CA2: variants seen among roughly 807,000 people sequenced by gnomAD.
CA2 encodes carbonate dehydratase II.
A neutral mutation model predicts 27.8 loss-of-function variants in CA2; 23 were observed. The ratio of observed to expected loss-of-function variants is 0.83; its 90% CI spans 0.59 to 1.17. The LOEUF is 1.17. CA2 is among the 50% of genes most tolerant of loss of function. CA2 has a pLI of 0.00. For synonymous variants in CA2, 99 were observed against 114.9 expected, an observed-to-expected ratio of 0.86 and a Z score of 0.88; for missense variants, 300 against 314.7, an observed-to-expected ratio of 0.95 and a Z score of 0.35.
rs368574296 is a variant in CA2, at chr8:85,480,698, A to G, written c.692A>G (p.Asn231Ser). Residue 231 changes from asparagine to serine, a missense_variant, in exon 7 of 7, where the codon AAT becomes AGT. Coordinates refer to ENST00000285379, the MANE Select transcript of CA2 (RefSeq NM_000067.3). ...TTGAAATTCCGTAAACTTAACTTCAATGGGGAGGGTGAACCCGAAGAACTG... is the reference window on the plus strand; with the variant it reads ...TTGAAATTCCGTAAACTTAACTTCAGTGGGGAGGGTGAACCCGAAGAACTG... ...QVLKFRKLNF[N>S]GEGEPEELMV... The G allele has an allele frequency of 1.7e-5, 27 of 1,613,490 alleles. No homozygotes were observed. The highest frequency in any genetic ancestry group is 1.6e-4 in the Middle Eastern group (1 of 6,082).
At chr8:85,475,327 T>C (rs575165140) in intron 4 of CA2, among the ~76,000 whole-genome samples, 1 of 115,834 alleles carries the variant, frequency 8.6e-6, no homozygotes, top group Admixed American at 1.2e-4. Context: ...GCTATGATCA[T>C]GCCACTGCAC....
At chr8:85,476,481 G>A (rs1811800425) in intron 5 of CA2, among the ~76,000 whole-genome samples, 1 of 152,144 alleles carries the variant, frequency 6.6e-6, no homozygotes, top group African/African-American at 2.4e-5. Flanking sequence ...CTCACTCACT[G>A]GCTTGAGCCC....
At chr8:85,467,417 A>G (rs1445445283) in intron 2 of CA2, among the ~76,000 whole-genome samples, 1 of 152,222 alleles carries the variant, frequency 6.6e-6, no homozygotes, top group Non-Finnish European at 1.5e-5. Flanking sequence ...GAAATGGGAC[A>G]GTATATGTAA....
At chr8:85,480,530 G>A in intron 6 of CA2, 140 bp from the exon 7 acceptor site, 1 of 764,146 alleles carries the variant, frequency 1.3e-6, no homozygotes, top group Non-Finnish European at 2.2e-6. Context: ...CCCGCCTCAT[G>A]CCTCAGCCTT....
At chr8:85,473,909 C>G in intron 3 of CA2, 98 bp downstream of exon 3, 1 of 787,626 alleles carries the variant, frequency 1.3e-6, no homozygotes, top group Non-Finnish European at 2.3e-6. Context: ...CAACTCACGC[C>G]CAGTGAACCA....
At chr8:85,465,688 G>T (rs1323388384) in intron 2 of CA2, among the ~76,000 whole-genome samples, 1 of 152,110 alleles carries the variant, frequency 6.6e-6, no homozygotes, top group Non-Finnish European at 1.5e-5. Flanking sequence ...AAAACCCTTG[G>T]CTTCTATGAA....
chr8:85,471,775 AT>A (rs1454119552), intron 2 of CA2, among the ~76,000 whole-genome samples: 1 of 151,782 alleles, frequency 6.6e-6, no homozygotes, highest in African/African-American at 2.4e-5. Flanking sequence ...CATATATTTA[AT>A]TTTTATATAT....
chr8:85,467,162 G>T (rs763628262), intron 2 of CA2, among the ~76,000 whole-genome samples: 16 of 152,150 alleles, frequency 1.1e-4, no homozygotes, highest in Non-Finnish European at 1.8e-4. Context: ...AGCAGATGAG[G>T]TTCCTAATAG....
In CA2 at chr8:85,477,098, CTGCGTATT is replaced by C; in HGVS notation, c.508-18_508-11del. 6.2e-7 allele frequency: 1 copy of C among 1,613,450 alleles called. No homozygotes were observed. Among genetic ancestry groups the C allele is most frequent in the Non-Finnish European group, 8.5e-7 (1 of 1,179,436 alleles). On this transcript the variant is annotated splice_polypyrimidine_tract_variant and intron_variant, in intron 5 of 6. Coordinates refer to ENST00000285379, the MANE Select transcript of CA2 (RefSeq NM_000067.3). ...ACTCTGTCAATGTGATAGTTTGAAG[CTGCGTATT>C]TGCCTTGTTCTAGGGCAAGAGTGCT...
At chr8:85,479,570 A>T (rs894273659) in intron 6 of CA2, among the ~76,000 whole-genome samples, 3 of 152,152 alleles carry the variant, frequency 2.0e-5, no homozygotes, top group East Asian at 3.9e-4. Context: ...AGAGGGGGGA[A>T]AGTAGCACTT....
At chr8:85,479,101 G>A (rs1811849225) in intron 6 of CA2, among the ~76,000 whole-genome samples, 1 of 146,060 alleles carries the variant, frequency 6.8e-6, no homozygotes, top group African/African-American at 2.4e-5. Context: ...GTCTGTTAAT[G>A]AGGAAGTATG....
At chr8:85,467,425 T>G (rs1811646518) in intron 2 of CA2, among the ~76,000 whole-genome samples, 2 of 152,204 alleles carry the variant, frequency 1.3e-5, no homozygotes, top group African/African-American at 4.8e-5. Context: ...ACAGTATATG[T>G]AAAGCCCCTA....
intron 1 of CA2, 191 bp downstream of exon 1, chr8:85,464,306 T>A (rs1345720108): frequency 2.0e-6 from 1 of 490,256 alleles, no homozygotes; most frequent in East Asian, 3.7e-5. Context: ...GCCGGGGATG[T>A]CCCCCTTGCC....
rs1386114061 is a variant in CA2, at chr8:85,481,369, G to C, written c.*580G>C. 6.5e-6 allele frequency: 1 copy of C among 152,830 alleles called. No individual in the cohort carries two copies. Among genetic ancestry groups the C allele is most frequent in the Non-Finnish European group, 1.5e-5 (1 of 68,438 alleles). 9.5% of individuals were successfully genotyped at this position (152,830 alleles called of 1,614,324 possible). ...TTTGAATTACAGAGATATAAATGAAGTATTATCTGTAAAAATTGTTATAAT... is the reference window on the plus strand; with the variant it reads ...TTTGAATTACAGAGATATAAATGAACTATTATCTGTAAAAATTGTTATAAT... On this transcript the variant is annotated 3_prime_UTR_variant, in exon 7 of 7. Transcript: ENST00000285379.
chr8:85,480,421 T>C (rs992093845), intron 6 of CA2, among the ~76,000 whole-genome samples: 3 of 147,502 alleles, frequency 2.0e-5, no homozygotes, highest in Non-Finnish European at 3.0e-5. Flanking sequence ...CACGCCTGTT[T>C]AATTTTTGTG....
chr8:85,479,405 T>A (rs1268377117), intron 6 of CA2, among the ~76,000 whole-genome samples: 1 of 152,214 alleles, frequency 6.6e-6, no homozygotes, highest in Admixed American at 6.5e-5. Flanking sequence ...TAACCATAGC[T>A]GTGCATGTTA....
chr8:85,471,831 T>C (rs1811717699), intron 2 of CA2, among the ~76,000 whole-genome samples: 1 of 152,156 alleles, frequency 6.6e-6, no homozygotes, highest in Non-Finnish European at 1.5e-5. Context: ...TAAAAAAGTC[T>C]AGAATTAGAG....
At chr8:85,465,828 G>A (rs937255666) in intron 2 of CA2, among the ~76,000 whole-genome samples, 1 of 152,198 alleles carries the variant, frequency 6.6e-6, no homozygotes, top group African/African-American at 2.4e-5. Context: ...TTGTCTTGCA[G>A]AGCTGATGCA....
chr8:85,474,088 G>A (rs1811750618), intron 3 of CA2: 1 of 607,832 alleles, frequency 1.6e-6, no homozygotes, highest in Non-Finnish European at 2.9e-6. Context: ...TAAAATGTGT[G>A]CCTTCTGTCA....
Sources: allele counts gnomAD v4.1 joint callset (sites outside exome capture counted in the v4.1 genomes callset), GRCh38; gene constraint gnomAD v4.1.1; transcripts MANE v1.5; gene names NCBI Gene and HGNC (gene_info 2026-07-23, HGNC 2026-07-21).